LINGO2: variants seen among roughly 807,000 people sequenced by gnomAD.
LINGO2 encodes the protein leucine rich repeat and Ig domain containing 2, also known as leucine-rich repeat and immunoglobulin-like domain-containing nogo receptor-interacting protein 2.
In LINGO2, 14 loss-of-function variants were observed where a neutral mutation model predicts 30.6. The ratio of observed to expected loss-of-function variants is 0.46; its 90% CI spans 0.30 to 0.72. The LOEUF (loss-of-function observed/expected upper bound fraction) is 0.72. Among genes scored for constraint, LINGO2 ranks in the 30% least tolerant of loss-of-function variants. LINGO2 has a pLI of 0.07. For missense variants in LINGO2, 729 were observed against 751.7 expected, an observed-to-expected ratio of 0.97 and a Z score of 0.35; for synonymous variants, 317 against 288.5, an observed-to-expected ratio of 1.10 and a Z score of -1.00.
At chr9:29,173,660 G>T in the LINGO2 span, among the ~76,000 whole-genome samples, 1 of 152,100 alleles carries the variant, frequency 6.6e-6, no homozygotes, top group Non-Finnish European at 1.5e-5. Flanking sequence ...AACTACAGTG[G>T]CTATGTTAAT....
Position 28,278,402 on chromosome 9 carries a change from G to C in LINGO2, c.-87+16806C>G, listed in dbSNP as rs1458664125. On this transcript the variant is annotated intron_variant, in intron 4 of 5. Transcript: ENST00000379992. ...GTGCCATCTAGGATTTTCATAGCTA[G>C]AGAGGAATGTCTGGCTACAAAGCCT... Among the ~76,000 whole-genome samples the C allele has an allele frequency of 2.0e-5, 3 of 152,330 alleles. No individual in the cohort carries two copies. In the East Asian group the frequency reaches 5.8e-4, roughly 29 times the overall value.
the LINGO2 span, among the ~76,000 whole-genome samples, chr9:28,828,560 T>A: frequency 1.3e-5 from 2 of 152,124 alleles, no homozygotes; most frequent in Non-Finnish European, 2.9e-5. Flanking sequence ...TAAATTTGAG[T>A]TAGAGTTCAG....
chr9:28,982,998 G>A, the LINGO2 span, among the ~76,000 whole-genome samples: 6 of 150,836 alleles, frequency 4.0e-5, 1 homozygote, highest in Non-Finnish European at 8.9e-5. Flanking sequence ...GCCATTTCTC[G>A]CCTACTTTTT....
chr9:28,654,343 G>T (rs960133976), intron 1 of LINGO2, among the ~76,000 whole-genome samples: 1 of 152,000 alleles, frequency 6.6e-6, no homozygotes, highest in African/African-American at 2.4e-5. Context: ...AGCATATCTA[G>T]CATATTCATT....
the LINGO2 span, among the ~76,000 whole-genome samples, chr9:28,938,646 G>A: frequency 1.3e-5 from 2 of 152,152 alleles, no homozygotes; most frequent in African/African-American, 4.8e-5. Flanking sequence ...ACTGCATACA[G>A]TATTTGGTAC....
At chr9:28,584,850 G>C (rs1417824011) in intron 1 of LINGO2, among the ~76,000 whole-genome samples, 5 of 151,922 alleles carry the variant, frequency 3.3e-5, no homozygotes, top group Non-Finnish European at 5.9e-5. Context: ...ATGCTTAATG[G>C]ACAAAATAAC....
the LINGO2 span, among the ~76,000 whole-genome samples, chr9:28,841,435 C>T: frequency 6.6e-6 from 1 of 151,824 alleles, no homozygotes; most frequent in East Asian, 1.9e-4. Flanking sequence ...CTCATCCATT[C>T]ATTCTACAAA....
chr9:29,120,661 C>A, the LINGO2 span, among the ~76,000 whole-genome samples: 2 of 152,118 alleles, frequency 1.3e-5, no homozygotes, highest in African/African-American at 4.8e-5. Flanking sequence ...CACCCTGACA[C>A]TGAAAATACA....
At chr9:28,825,305 C>A in the LINGO2 span, among the ~76,000 whole-genome samples, 3 of 151,764 alleles carry the variant, frequency 2.0e-5, no homozygotes, top group East Asian at 5.8e-4. Flanking sequence ...AAAGTCAGAA[C>A]TAATAGTAGA....
At chr9:28,820,483 C>T in the LINGO2 span, among the ~76,000 whole-genome samples, 4 of 152,092 alleles carry the variant, frequency 2.6e-5, no homozygotes, top group African/African-American at 4.8e-5. Flanking sequence ...CATACATTGA[C>T]GTATGTCAAG....
At chr9:28,306,931 T>C (rs1824387554) in intron 3 of LINGO2, among the ~76,000 whole-genome samples, 1 of 152,166 alleles carries the variant, frequency 6.6e-6, no homozygotes, top group Non-Finnish European at 1.5e-5. Context: ...ATTGTGGCAA[T>C]AATCAATAGC....
the LINGO2 span, among the ~76,000 whole-genome samples, chr9:28,831,427 T>A: frequency 6.6e-6 from 1 of 152,120 alleles, no homozygotes; most frequent in African/African-American, 2.4e-5. Flanking sequence ...CAAACAACCT[T>A]GTATTGTCCC....
chr9:28,801,438 C>A, the LINGO2 span, among the ~76,000 whole-genome samples: 1 of 152,016 alleles, frequency 6.6e-6, no homozygotes, highest in African/African-American at 2.4e-5. Context: ...GATTCTGTTC[C>A]CAGTCTCTAC....
chr9:29,191,716 C>A, the LINGO2 span, among the ~76,000 whole-genome samples: 3 of 152,130 alleles, frequency 2.0e-5, no homozygotes, highest in Admixed American at 6.5e-5. Flanking sequence ...GACAAATCAT[C>A]TGCCATGCAT....
At chr9:28,516,425 A>C (rs948444627) in intron 1 of LINGO2, among the ~76,000 whole-genome samples, 2 of 152,168 alleles carry the variant, frequency 1.3e-5, no homozygotes, top group African/African-American at 4.8e-5. Flanking sequence ...CTGTGGACTA[A>C]GCCAGTCTTT....
At chr9:28,137,308 T>C (rs1827547071) in intron 4 of LINGO2, among the ~76,000 whole-genome samples, 1 of 152,056 alleles carries the variant, frequency 6.6e-6, no homozygotes, top group Non-Finnish European at 1.5e-5. Flanking sequence ...TGAATGTCAG[T>C]TGTAATATCT....
the LINGO2 span, among the ~76,000 whole-genome samples, chr9:28,734,129 A>G: frequency 6.6e-6 from 1 of 152,120 alleles, no homozygotes; most frequent in African/African-American, 2.4e-5. Context: ...AGTAAATAAT[A>G]CCAGTAACTA....
At chr9:29,195,478 A>G in the LINGO2 span, among the ~76,000 whole-genome samples, 1 of 151,656 alleles carries the variant, frequency 6.6e-6, no homozygotes, top group African/African-American at 2.4e-5. Context: ...TTATTTTCCA[A>G]TTTTTTTCAA....
intron 4 of LINGO2, among the ~76,000 whole-genome samples, chr9:28,284,286 T>C (rs1823429456): frequency 6.6e-6 from 1 of 152,174 alleles, no homozygotes; most frequent in African/African-American, 2.4e-5. Context: ...CCTCCCACTG[T>C]AGTTTTCCCA....
Sources: gnomAD v4.1 joint callset for allele counts (sites outside exome capture counted in the v4.1 genomes callset) on GRCh38, gnomAD v4.1.1 for gene constraint, MANE v1.5 for transcripts, NCBI Gene and HGNC (gene_info 2026-07-23, HGNC 2026-07-21) for gene names.